TMEM266: variants seen among roughly 807,000 people sequenced by gnomAD.
TMEM266 encodes the protein transmembrane protein 266.
Under a neutral mutation model 50.5 loss-of-function variants are expected in TMEM266, and 33 were observed. The ratio of observed to expected loss-of-function variants is 0.65; its 90% CI spans 0.50 to 0.87. The LOEUF is 0.87. TMEM266 is among the 40% of genes least tolerant of loss of function. TMEM266 has a pLI of 0.00. For missense variants in TMEM266, 655 were observed against 695.1 expected (o/e 0.94, Z 0.65); for synonymous variants, 310 against 292.3 (o/e 1.06, Z -0.62).
At chr15:76,084,598 G>GT (rs111324062) in intron 1 of TMEM266, among the ~76,000 whole-genome samples, 1,400 of 87,552 alleles carry the variant, frequency 0.016, 15 homozygotes, top group African/African-American at 0.04. Context: ...GTTTTTTTTG[G>GT]TTTTTTTTTT....
intron 8 of TMEM266, among the ~76,000 whole-genome samples, chr15:76,178,949 TG>T (rs1352123946): frequency 6.6e-6 from 1 of 152,206 alleles, no homozygotes; most frequent in Non-Finnish European, 1.5e-5. Flanking sequence ...GCAGCTCTCC[TG>T]GAGTCTGTGG....
At chr15:76,079,955 A>G (rs2036662312) in intron 1 of TMEM266, among the ~76,000 whole-genome samples, 1 of 152,044 alleles carries the variant, frequency 6.6e-6, no homozygotes. Context: ...ACAACAGCAC[A>G]GACTAAATAG....
At chr15:76,110,383 G>A (rs575218920) in intron 1 of TMEM266, among the ~76,000 whole-genome samples, 16 of 152,278 alleles carry the variant, frequency 1.1e-4, no homozygotes, top group Admixed American at 5.9e-4. Context: ...CTTTGAATGC[G>A]GCACAACACA....
At position 76,145,215 on chromosome 15, in the gene TMEM266, A is replaced by C. The variant is rs376034998; in HGVS notation, c.227+7320A>C. 2.0e-5 allele frequency among the ~76,000 whole-genome samples: 3 copies of C among 152,308 alleles called. No individual in the cohort carries two copies. The East Asian group carries it at 5.8e-4, about 29-fold the overall frequency. On this transcript the variant is annotated intron_variant, in intron 3 of 10. Transcript: ENST00000388942. ...CTTCATCCCATGGCTTCTGAGAGCC[A>C]TGTGACCCCTAATGTGTGGAACCTG...
intron 1 of TMEM266, among the ~76,000 whole-genome samples, chr15:76,102,408 G>A (rs1444887154): frequency 6.6e-6 from 1 of 152,154 alleles, no homozygotes; most frequent in Non-Finnish European, 1.5e-5. Context: ...AGGGTGGTCA[G>A]GGGAGTCTTT....
intron 3 of TMEM266, among the ~76,000 whole-genome samples, chr15:76,156,300 C>T (rs1250513019): frequency 1.3e-5 from 2 of 152,006 alleles, no homozygotes; most frequent in Non-Finnish European, 2.9e-5. Context: ...ACAGAGGTTG[C>T]AGTGAGCTGA....
chr15:76,156,454 T>G, intron 3 of TMEM266, 150 bp from the exon 4 acceptor site: 20 of 723,576 alleles, frequency 2.8e-5, no homozygotes, highest in Non-Finnish European at 3.9e-5. Context: ...GCCTCTTGAA[T>G]GAGGTTGTGT....
At chr15:76,079,681 G>A (rs777375270) in intron 1 of TMEM266, among the ~76,000 whole-genome samples, 2 of 149,914 alleles carry the variant, frequency 1.3e-5, no homozygotes, top group African/African-American at 4.9e-5. Flanking sequence ...CCAGCTACTC[G>A]GGAGGCTGAG....
intron 8 of TMEM266, among the ~76,000 whole-genome samples, chr15:76,181,876 C>A (rs2456054): frequency 6.6e-6 from 1 of 152,086 alleles, no homozygotes; most frequent in Non-Finnish European, 1.5e-5. Context: ...CCGTTACACC[C>A]GCTCTTTCAT....
In TMEM266 at chr15:76,063,289, C is replaced by T. The variant is rs563799359; in HGVS notation, c.-97+3273C>T. 5.3e-5 allele frequency among the ~76,000 whole-genome samples: 8 copies of T among 152,292 alleles called. No homozygotes were observed. In the East Asian group the frequency reaches 1.5e-3, roughly 29 times the overall value. On this transcript the variant is annotated intron_variant, in intron 1 of 10. Transcript: ENST00000388942. ...AGTGGGGGAGCCCAAGGTATATGAC[C>T]TAAGGGGCAGAGCCAAGATTTGAGC...
chr15:76,091,039 C>T (rs1345022677), intron 1 of TMEM266, among the ~76,000 whole-genome samples: 1 of 151,956 alleles, frequency 6.6e-6, no homozygotes, highest in Non-Finnish European at 1.5e-5. Context: ...TACATATGTA[C>T]AATTACATGT....
chr15:76,180,351 G>A (rs1168499668), intron 8 of TMEM266, among the ~76,000 whole-genome samples: 5 of 152,154 alleles, frequency 3.3e-5, no homozygotes, highest in Non-Finnish European at 7.3e-5. Flanking sequence ...GGGTTTTGGG[G>A]AGCACTGGTC....
At chr15:76,147,338 G>A (rs2037771198) in intron 3 of TMEM266, among the ~76,000 whole-genome samples, 1 of 152,182 alleles carries the variant, frequency 6.6e-6, no homozygotes, top group African/African-American at 2.4e-5. Context: ...GCCTTTTGGG[G>A]TTCAGGGTTA....
intron 1 of TMEM266, among the ~76,000 whole-genome samples, chr15:76,116,584 C>T (rs1477321835): frequency 2.0e-5 from 3 of 152,060 alleles, no homozygotes; most frequent in African/African-American, 7.2e-5. Flanking sequence ...CCACCTTGAC[C>T]ATCATGAGTG....
At chr15:76,164,719 G>A (rs2038066720) in intron 5 of TMEM266, among the ~76,000 whole-genome samples, 1 of 152,190 alleles carries the variant, frequency 6.6e-6, no homozygotes, top group Non-Finnish European at 1.5e-5. Flanking sequence ...GGTACCCATG[G>A]TGGCTGTTCC....
rs552855579 is a variant in TMEM266, at chr15:76,161,743, A to C, written c.456+1575A>C. 6.6e-6 allele frequency among the ~76,000 whole-genome samples: 1 copy of C among 152,236 alleles called. No homozygotes were observed. Among genetic ancestry groups the C allele is most frequent in the South Asian group, 2.1e-4 (1 of 4,830 alleles). ...TGCCCTGGAGGTGCCTCTGCCCCGC[A>C]GAGCAGAGTGCCTGCTCCCCAGCTT... On this transcript the variant is annotated intron_variant, in intron 5 of 10. Coordinates refer to ENST00000388942, the MANE Select transcript of TMEM266 (RefSeq NM_152335.3). The surrounding 1 kb of genome is among the most constrained non-coding windows in gnomAD (Gnocchi z 4.1).
intron 1 of TMEM266, among the ~76,000 whole-genome samples, chr15:76,074,355 G>T (rs2036575925): frequency 6.6e-6 from 1 of 152,002 alleles, no homozygotes; most frequent in Admixed American, 6.5e-5. Context: ...ATGCTGTGCA[G>T]TCGTCACCAC....
At chr15:76,110,084 C>T (rs1391972817) in intron 1 of TMEM266, among the ~76,000 whole-genome samples, 1 of 152,086 alleles carries the variant, frequency 6.6e-6, no homozygotes, top group Non-Finnish European at 1.5e-5. Flanking sequence ...ACTGCAATCT[C>T]TGTCTCCTGG....
At chr15:76,063,989 G>T (rs2036361777) in intron 1 of TMEM266, among the ~76,000 whole-genome samples, 1 of 152,202 alleles carries the variant, frequency 6.6e-6, no homozygotes, top group Admixed American at 6.5e-5. Flanking sequence ...CTGAGGGTTG[G>T]GATGTGTGAC....
Sources: gnomAD v4.1 joint callset for allele counts (sites outside exome capture counted in the v4.1 genomes callset) on GRCh38, gnomAD v4.1.1 for gene constraint, Gnocchi (gnomAD v3.1) non-coding constraint, MANE v1.5 for transcripts, NCBI Gene and HGNC (gene_info 2026-07-23, HGNC 2026-07-21) for gene names.